NXPE3: variants seen among roughly 807,000 people sequenced by gnomAD.
NXPE3 encodes the protein neurexophilin and PC-esterase domain family member 3.
Under a neutral mutation model 46.1 loss-of-function variants are expected in NXPE3, and 26 were observed. The observed-to-expected ratio is 0.56, with a 90% CI of 0.41 to 0.78. The LOEUF (loss-of-function observed/expected upper bound fraction) is 0.78. Ranked by LOEUF, NXPE3 falls within the 30% of genes least tolerant of loss-of-function variation. The pLI is 0.00. For missense variants in NXPE3, 620 were observed against 686.0 expected (o/e 0.90, Z 1.07); for synonymous variants, 272 against 257.9 (o/e 1.05, Z -0.52).
At chr3:101,788,213 C>T (rs1000587896) in intron 4 of NXPE3, among the ~76,000 whole-genome samples, 19 of 152,056 alleles carry the variant, frequency 1.2e-4, no homozygotes, top group African/African-American at 3.9e-4. Flanking sequence ...CACTGTTTAA[C>T]GGAGTTGTTT....
chr3:101,805,846 G>A (rs1180368617), intron 5 of NXPE3, among the ~76,000 whole-genome samples: 1 of 151,676 alleles, frequency 6.6e-6, no homozygotes, highest in African/African-American at 2.4e-5. Context: ...TATTTTTACA[G>A]GAAATTATGT....
rs571886654 is a variant in NXPE3, at chr3:101,827,731, G to T, written c.*5777G>T. 7.2e-5 allele frequency among the ~76,000 whole-genome samples: 11 copies of T among 152,284 alleles called. No individual in the cohort carries two copies. In the South Asian group the frequency reaches 1.0e-3, roughly 14 times the overall value. ...AGGTCTTGGAGCCGGCCCTCGAGGG[G>T]AATGTCCGGGACTCGGGTCGGTACC... is the stretch of plus-strand genomic sequence containing the variant. On this transcript the variant is annotated 3_prime_UTR_variant, in exon 8 of 8. Transcript: ENST00000273347.
At chr3:101,784,471 G>A (rs1940029738) in intron 3 of NXPE3, among the ~76,000 whole-genome samples, 1 of 152,106 alleles carries the variant, frequency 6.6e-6, no homozygotes, top group Admixed American at 6.6e-5. Context: ...AGAGAATGGG[G>A]GCTTGCCAGG....
At chr3:101,782,367 A>C (rs1015240028) in intron 2 of NXPE3, 77 bp downstream of exon 2, 6 of 152,268 alleles carry the variant, frequency 3.9e-5, no homozygotes, top group African/African-American at 1.4e-4. Context: ...TTCCCTGCCA[A>C]CACTGTTGTT....
At chr3:101,811,346 A>G (rs946660677) in intron 6 of NXPE3, among the ~76,000 whole-genome samples, 3 of 152,256 alleles carry the variant, frequency 2.0e-5, no homozygotes, top group African/African-American at 4.8e-5. Context: ...AGATCAAGTT[A>G]TTGAACATTT....
Position 101,807,259 on chromosome 3 carries a change from C to A in NXPE3, c.922+133C>A. The A allele has an allele frequency of 1.6e-6, 1 of 638,712 alleles. No individual in the cohort carries two copies. Among genetic ancestry groups the A allele is most frequent in the Non-Finnish European group, 2.8e-6 (1 of 359,874 alleles). The allele number at this position is 638,712 out of a possible 1,614,324, so 39.6% of individuals were successfully genotyped here. Reference sequence around the variant, plus strand: ...GGCACAATTGAAAATATTAAAAGTACTGTTTGATTAAAAAAATCAGATCTT... The same window carrying A: ...GGCACAATTGAAAATATTAAAAGTAATGTTTGATTAAAAAAATCAGATCTT... On this transcript the variant is annotated intron_variant, in intron 6 of 7. Transcript: ENST00000273347.
intron 7 of NXPE3, among the ~76,000 whole-genome samples, chr3:101,817,774 A>G (rs1323464837): frequency 1.3e-5 from 2 of 152,182 alleles, no homozygotes; most frequent in Non-Finnish European, 2.9e-5. Context: ...GTTTTGTGGG[A>G]ACTGTTTTTA....
At position 101,801,647 on chromosome 3, in the gene NXPE3, A is replaced by C; in HGVS notation, c.506A>C (p.Tyr169Ser). 1 of 1,614,212 alleles carries C rather than the reference A, an allele frequency of 6.2e-7. No homozygotes were observed. Among genetic ancestry groups the C allele is most frequent in the Non-Finnish European group, 8.5e-7 (1 of 1,180,036 alleles). ...GTGGTGGATTACCAGAATGGGTTTT[A>C]CAAGGTTTTCTTTACTTTGCTATGG... The part of the protein sequence containing the change: ...GRVVDYQNGF[Y>S]KVFFTLLWPG... The change falls in exon 5 of 8, where the codon TAC becomes TCC. Residue 169 changes from tyrosine (Y) to serine (S), a missense_variant. Tyr to Ser is a moderately radical substitution (Grantham distance 144). Coordinates refer to ENST00000273347, the MANE Select transcript of NXPE3 (RefSeq NM_145037.4).
Position 101,827,003 on chromosome 3 carries a change from A to G in NXPE3, c.*5049A>G, listed in dbSNP as rs1433995692. On this transcript the variant is annotated 3_prime_UTR_variant, in exon 8 of 8. Transcript: ENST00000273347. ...AGCCGAGATCATGCCATTGCACTCT[A>G]GCCTGGGCAACGAGAGTGAAACTCT... 6.6e-6 allele frequency: 1 copy of G among 152,366 alleles called. No homozygotes were observed. The highest frequency in any genetic ancestry group is 6.5e-5 in the Admixed American group (1 of 15,282). 9.4% of individuals were successfully genotyped at this position (152,366 alleles called of 1,614,324 possible).
At chr3:101,788,081 A>G (rs1165775397) in intron 4 of NXPE3, among the ~76,000 whole-genome samples, 1 of 152,158 alleles carries the variant, frequency 6.6e-6, no homozygotes, top group East Asian at 1.9e-4. Context: ...TTTTGATAGT[A>G]GCCTTCTTTG....
At chr3:101,807,305 T>C (rs980111532) in intron 6 of NXPE3, among the ~76,000 whole-genome samples, 179 bp downstream of exon 6, 1 of 152,118 alleles carries the variant, frequency 6.6e-6, no homozygotes, top group Non-Finnish European at 1.5e-5. Flanking sequence ...TTCTGAGTTT[T>C]GCTATTTATT....
chr3:101,783,369 A>G (rs926950681), intron 3 of NXPE3, among the ~76,000 whole-genome samples: 2 of 152,178 alleles, frequency 1.3e-5, no homozygotes, highest in Non-Finnish European at 2.9e-5. Flanking sequence ...CCTGGTATAT[A>G]TCTTTTCAAA....
chr3:101,783,431 G>A (rs894828843), intron 3 of NXPE3, among the ~76,000 whole-genome samples: 7 of 152,168 alleles, frequency 4.6e-5, no homozygotes, highest in African/African-American at 1.7e-4. Context: ...TGTACAAATG[G>A]GTCTCTCAAA....
intron 6 of NXPE3, among the ~76,000 whole-genome samples, chr3:101,814,064 T>C (rs1941852062): frequency 6.6e-6 from 1 of 152,260 alleles, no homozygotes; most frequent in African/African-American, 2.4e-5. Context: ...TGAATGGAAA[T>C]GGTAATTGTT....
At chr3:101,789,724 C>G (rs1190377695) in intron 4 of NXPE3, among the ~76,000 whole-genome samples, 1 of 151,850 alleles carries the variant, frequency 6.6e-6, no homozygotes, top group Admixed American at 6.6e-5. Context: ...CAAATTTTCA[C>G]TCTGTCACCT....
At chr3:101,799,416 C>CTTAT (rs1941015696) in intron 4 of NXPE3, among the ~76,000 whole-genome samples, 1 of 152,018 alleles carries the variant, frequency 6.6e-6, no homozygotes, top group South Asian at 2.1e-4. Context: ...CCTACTCATT[C>CTTAT]TTATTTATTT....
intron 4 of NXPE3, among the ~76,000 whole-genome samples, chr3:101,787,150 C>A (rs1386259483): frequency 6.8e-6 from 1 of 146,252 alleles, no homozygotes. Context: ...GAGACTGTCT[C>A]AAAAAAAAAA....
rs547397837 is a variant in NXPE3, at chr3:101,797,417, T to C, written c.94-3818T>C. Reference sequence around the variant, plus strand: ...GCAAATTATTAAGCTATTCTTTTTTTTTTTTAATTTTTTTTTTTTATTATA... The same window carrying C: ...GCAAATTATTAAGCTATTCTTTTTTCTTTTTAATTTTTTTTTTTTATTATA... On this transcript the variant is annotated intron_variant, in intron 4 of 7. Coordinates refer to ENST00000273347, the MANE Select transcript of NXPE3 (RefSeq NM_145037.4). 5.0e-5 allele frequency among the ~76,000 whole-genome samples: 7 copies of C among 141,164 alleles called. No homozygotes were observed. In the South Asian group the frequency reaches 1.6e-3, roughly 32 times the overall value. The allele number at this position is 141,164 out of a possible 152,430, so 92.6% of individuals were successfully genotyped here. A position where few individuals can be genotyped will look rare whatever the true frequency, so the allele number is the denominator to read the frequency against.
Position 101,801,857 on chromosome 3 carries a change from C to G in NXPE3, c.716C>G (p.Thr239Arg), listed in dbSNP as rs1266124249. 1.2e-6 allele frequency: 2 copies of G among 1,614,200 alleles called. No homozygotes were observed. The highest frequency in any genetic ancestry group is 1.7e-6 in the Non-Finnish European group (2 of 1,180,032). ...GGGAATCTGCCCCTGTGTAACTTTA[C>G]AGACCTCTACACTGGGGAGCCCTGG... ...LPGNLPLCNF[T>R]DLYTGEPWFC... Residue 239 changes from threonine (T) to arginine (R), a missense_variant, in exon 5 of 8, where the codon ACA becomes AGA. Thr to Arg is a moderately conservative substitution (Grantham distance 71, BLOSUM62 -1). Transcript: ENST00000273347.
Sources: gnomAD v4.1 joint callset for allele counts (sites outside exome capture counted in the v4.1 genomes callset) on GRCh38, gnomAD v4.1.1 for gene constraint, MANE v1.5 for transcripts, NCBI Gene and HGNC (gene_info 2026-07-23, HGNC 2026-07-21) for gene names.